Variants in PCDHGA2 observed in about 807,000 individuals in gnomAD.
The protein encoded by PCDHGA2 is protocadherin gamma subfamily A, 2.
In PCDHGA2, 40 loss-of-function variants were observed where a neutral mutation model predicts 59.2. The observed-to-expected ratio is 0.68, with a 90% CI of 0.52 to 0.88. The LOEUF is 0.88. Ranked by LOEUF, PCDHGA2 falls within the 40% of genes least tolerant of loss-of-function variation. The probability of loss-of-function intolerance (pLI) is 0.00; values close to 1 mark genes in which losing one functional copy is unlikely to be tolerated. For missense variants in PCDHGA2, 1,226 were observed against 1,204.0 expected, an observed-to-expected ratio of 1.02 and a Z score of -0.27; for synonymous variants, 560 against 526.0, an observed-to-expected ratio of 1.06 and a Z score of -0.89.
intron 1 of PCDHGA2, chr5:141,389,559 C>T (rs1388057704): frequency 1.2e-6 from 2 of 1,613,274 alleles, no homozygotes; most frequent in East Asian, 2.2e-5. Flanking sequence ...CAATGCGCCA[C>T]GGGTGCTGTA....
intron 1 of PCDHGA2, among the ~76,000 whole-genome samples, chr5:141,460,307 C>A (rs1025049001): frequency 6.6e-6 from 1 of 152,102 alleles, no homozygotes; most frequent in African/African-American, 2.4e-5. Context: ...TATTCAAAAA[C>A]TCCTTGCCTA....
intron 1 of PCDHGA2, chr5:141,377,279 A>T (rs1256145515): frequency 1.3e-5 from 2 of 152,110 alleles, no homozygotes; most frequent in Admixed American, 1.3e-4. Flanking sequence ...TGGGAAAAAA[A>T]ATAACCTTAA....
intron 1 of PCDHGA2, among the ~76,000 whole-genome samples, chr5:141,447,728 A>G (rs2098549955): frequency 6.6e-6 from 1 of 152,204 alleles, no homozygotes; most frequent in Non-Finnish European, 1.5e-5. Flanking sequence ...TCCAAAACTC[A>G]TTGAACTTAA....
intron 1 of PCDHGA2, chr5:141,421,280 G>A (rs564480755): frequency 1.2e-6 from 2 of 1,612,948 alleles, no homozygotes; most frequent in South Asian, 2.2e-5. Context: ...CTGCTGCTGT[G>A]CATTTTCCTG....
chr5:141,375,186 T>C, intron 1 of PCDHGA2: 1 of 1,613,988 alleles, frequency 6.2e-7, no homozygotes, highest in Non-Finnish European at 8.5e-7. Context: ...GTAATCGCCC[T>C]TTTTCAAGTG....
chr5:141,423,755 G>GC (rs542747697), intron 1 of PCDHGA2: 5,773 of 512,484 alleles, frequency 0.011, 63 homozygotes, highest in Non-Finnish European at 0.014. Context: ...CTGTTTGGGG[G>GC]GGGGGTGGGG....
At position 141,511,542 on chromosome 5, in the gene PCDHGA2, A is replaced by C; in HGVS notation, c.*369A>C. The stretch of plus-strand genomic sequence containing the variant: ...CCCATGCCTCCCTCCTCCCCACCCC[A>C]CTCCAACAGTTCCTCTTTCCCGAGT... On this transcript the variant is annotated 3_prime_UTR_variant, in exon 4 of 4. Coordinates refer to ENST00000394576, the MANE Select transcript of PCDHGA2 (RefSeq NM_018915.4). 6.6e-6 allele frequency: 2 copies of C among 302,184 alleles called. No homozygotes were observed. The highest frequency in any genetic ancestry group is 3.7e-5 in the South Asian group (1 of 26,678). The allele number at this position is 302,184 out of a possible 1,614,324, so 18.7% of individuals were successfully genotyped here. A position where few individuals can be genotyped will look rare whatever the true frequency, so the allele number is the denominator to read the frequency against.
intron 1 of PCDHGA2, chr5:141,422,076 G>C (rs2096622180): frequency 1.2e-6 from 2 of 1,612,270 alleles, no homozygotes; most frequent in South Asian, 1.1e-5. Flanking sequence ...ATTCATTTCG[G>C]AACATGGAAA....
intron 1 of PCDHGA2, chr5:141,484,946 C>T (rs2154580274): frequency 3.6e-6 from 2 of 561,448 alleles, no homozygotes; most frequent in Non-Finnish European, 6.4e-6. Flanking sequence ...CTCTGCTCAG[C>T]CTATTGGCTG....
At chr5:141,365,361 C>T (rs1223911772) in intron 1 of PCDHGA2, 6 of 1,613,832 alleles carry the variant, frequency 3.7e-6, no homozygotes, top group Admixed American at 1.7e-5. Context: ...AATGACAATG[C>T]CCCCGAAGTG....
In PCDHGA2 at chr5:141,485,042, C is replaced by T; in HGVS notation, c.2425-9765C>T. ...CAGCAAAAACGGCGCGTAACCCTTGCGGCGCCGGCCGAACCGCGCCAGAGC... is the reference window on the plus strand; with the variant it reads ...CAGCAAAAACGGCGCGTAACCCTTGTGGCGCCGGCCGAACCGCGCCAGAGC... On this transcript the variant is annotated intron_variant, in intron 1 of 3. Coordinates refer to ENST00000394576, the MANE Select transcript of PCDHGA2 (RefSeq NM_018915.4). This position sits in a 1 kb window ranked among gnomAD's most constrained non-coding sequence, Gnocchi z 5.7. 1 of 724,054 alleles carries T rather than the reference C, an allele frequency of 1.4e-6. No individual in the cohort carries two copies. Among genetic ancestry groups the T allele is most frequent in the South Asian group, 1.8e-5 (1 of 56,650 alleles). 44.9% of individuals were successfully genotyped at this position (724,054 alleles called of 1,614,324 possible). A position where few individuals can be genotyped will look rare whatever the true frequency, so the allele number is the denominator to read the frequency against.
chr5:141,428,587 G>C (rs914718913), intron 1 of PCDHGA2: 6 of 226,650 alleles, frequency 2.6e-5, no homozygotes, highest in Non-Finnish European at 5.3e-5. Flanking sequence ...AGTTTCTCTG[G>C]TAGCAAGCTT....
chr5:141,421,055 C>A, intron 1 of PCDHGA2: 2 of 577,118 alleles, frequency 3.5e-6, no homozygotes, highest in South Asian at 2.4e-5. Flanking sequence ...GCCTCTACCA[C>A]ACAAAGCGGA....
intron 1 of PCDHGA2, among the ~76,000 whole-genome samples, chr5:141,472,555 A>T (rs1360460094): frequency 6.6e-6 from 1 of 152,024 alleles, no homozygotes; most frequent in South Asian, 2.1e-4. Flanking sequence ...AAAAAAAATT[A>T]TATTATAAAT....
chr5:141,454,762 G>C (rs889314181), intron 1 of PCDHGA2, among the ~76,000 whole-genome samples: 4 of 115,056 alleles, frequency 3.5e-5, no homozygotes, highest in African/African-American at 6.6e-5. Context: ...ATCTTGACAT[G>C]TTTTTTACAA....
At chr5:141,472,807 G>T (rs573078292) in intron 1 of PCDHGA2, among the ~76,000 whole-genome samples, 43 of 151,782 alleles carry the variant, frequency 2.8e-4, no homozygotes, top group African/African-American at 1.0e-3. Flanking sequence ...CCAACATGGA[G>T]AAACCCCCGT....
chr5:141,501,182 C>A (rs531641143), intron 2 of PCDHGA2, among the ~76,000 whole-genome samples: 1 of 152,126 alleles, frequency 6.6e-6, no homozygotes, highest in Non-Finnish European at 1.5e-5. Context: ...TACATTTTAA[C>A]ACAATTAAAT....
Position 141,490,820 on chromosome 5 carries a change from T to G in PCDHGA2, c.2425-3987T>G. On this transcript the variant is annotated intron_variant, in intron 1 of 3. Transcript: ENST00000394576. The surrounding 1 kb of genome is among the most constrained non-coding windows in gnomAD (Gnocchi z 5.4). ...CAGCGTACCTTTGACTATGAATTGC[T>G]GCAGATGCTGCAGATTGTGGTGGGG... 6.2e-7 allele frequency: 1 copy of G among 1,613,820 alleles called. No homozygotes were observed. Among genetic ancestry groups the G allele is most frequent in the Non-Finnish European group, 8.5e-7 (1 of 1,179,768 alleles).
chr5:141,433,140 CAGGTGATTCGGTATTTTCTAAAG>C (rs2097570930), intron 1 of PCDHGA2: 1 of 1,613,948 alleles, frequency 6.2e-7, no homozygotes, highest in Non-Finnish European at 8.5e-7. Flanking sequence ...CTTTTGCTGT[CAGGTGATTCGGTATTTTCTAAAG>C]ACAGTCATGG....
Sources: allele counts gnomAD v4.1 joint callset (sites outside exome capture counted in the v4.1 genomes callset), GRCh38; gene constraint gnomAD v4.1.1; non-coding constraint Gnocchi (gnomAD v3.1); transcripts MANE v1.5; gene names NCBI Gene and HGNC (gene_info 2026-07-23, HGNC 2026-07-21).